The following PARN variants were observed in gnomAD, a reference collection of about 807,000 sequenced individuals.
PARN encodes the protein poly(A)-specific ribonuclease PARN.
Under a neutral mutation model 102.8 loss-of-function variants are expected in PARN, and 71 were observed. The ratio of observed to expected loss-of-function variants is 0.69; its 90% confidence interval spans 0.57 to 0.84. The LOEUF (loss-of-function observed/expected upper bound fraction) is 0.84. PARN is among the 40% of genes least tolerant of loss of function. The probability of loss-of-function intolerance (pLI) is 0.00; values close to 1 mark genes in which losing one functional copy is unlikely to be tolerated. For missense variants in PARN, 782 were observed against 760.9 expected (o/e 1.03, Z -0.33); for synonymous variants, 261 against 252.9 (o/e 1.03, Z -0.30).
At chr16:14,563,476 TTGTG>T (rs56099416) in intron 18 of PARN, among the ~76,000 whole-genome samples, 26,852 of 143,542 alleles carry the variant, frequency 0.19, 2,625 homozygotes, top group African/African-American at 0.21. Context: ...GAAAATTCCT[TTGTG>T]TGTGTGTGTG....
intron 21 of PARN, among the ~76,000 whole-genome samples, chr16:14,521,172 C>T (rs945731032): frequency 1.3e-5 from 2 of 152,226 alleles, no homozygotes; most frequent in African/African-American, 4.8e-5. Flanking sequence ...CAAACCTAAA[C>T]ATTCCCTTTT....
chr16:14,520,095 G>A (rs955912850), intron 21 of PARN, among the ~76,000 whole-genome samples: 2 of 152,122 alleles, frequency 1.3e-5, no homozygotes, highest in African/African-American at 4.8e-5. Flanking sequence ...GAAAAAGGAG[G>A]ACAAAAGAAT....
intron 23 of PARN, among the ~76,000 whole-genome samples, chr16:14,440,785 T>C (rs1428891310): frequency 6.6e-6 from 1 of 152,158 alleles, no homozygotes; most frequent in Non-Finnish European, 1.5e-5. Flanking sequence ...TCCAGGTATA[T>C]GACATTCTGG....
intron 1 of PARN, 43 bp from the exon 2 acceptor site, chr16:14,629,717 T>C: frequency 6.9e-7 from 1 of 1,440,852 alleles, no homozygotes; most frequent in Non-Finnish European, 9.8e-7. Flanking sequence ...GTGGCCTGAA[T>C]TCCTGCTAAG....
At chr16:14,488,072 T>A (rs1963821703) in intron 21 of PARN, among the ~76,000 whole-genome samples, 1 of 152,152 alleles carries the variant, frequency 6.6e-6, no homozygotes, top group Non-Finnish European at 1.5e-5. Context: ...TGAGATAAAC[T>A]GACCAATGGT....
chr16:14,494,246 T>C (rs1360392712), intron 21 of PARN, among the ~76,000 whole-genome samples: 1 of 152,226 alleles, frequency 6.6e-6, no homozygotes, highest in Non-Finnish European at 1.5e-5. Context: ...TTTATTCATC[T>C]ATCCATTCAT....
At chr16:14,453,169 G>C (rs545720124) in intron 22 of PARN, among the ~76,000 whole-genome samples, 1 of 152,218 alleles carries the variant, frequency 6.6e-6, no homozygotes, top group Non-Finnish European at 1.5e-5. Context: ...TAAATCCACT[G>C]TAAGAAGTGG....
chr16:14,467,308 G>A (rs919765125), intron 22 of PARN, among the ~76,000 whole-genome samples: 1 of 152,164 alleles, frequency 6.6e-6, no homozygotes, highest in Admixed American at 6.5e-5. Context: ...CATGGAGAAT[G>A]TCATTTCAGC....
At chr16:14,443,574 G>C (rs1224033586) in intron 23 of PARN, among the ~76,000 whole-genome samples, 1 of 152,104 alleles carries the variant, frequency 6.6e-6, no homozygotes, top group Non-Finnish European at 1.5e-5. Context: ...CTTGACCTCA[G>C]GTGATCTGCC....
intron 19 of PARN, among the ~76,000 whole-genome samples, chr16:14,554,613 A>G (rs1225903511): frequency 6.6e-6 from 1 of 151,096 alleles, no homozygotes; most frequent in Non-Finnish European, 1.5e-5. Context: ...TTATTTTTTA[A>G]TTTTATTTTT....
intron 12 of PARN, among the ~76,000 whole-genome samples, chr16:14,596,439 TA>T (rs1398424805): frequency 6.6e-6 from 1 of 151,624 alleles, no homozygotes; most frequent in African/African-American, 2.4e-5. Flanking sequence ...AACCATTAAA[TA>T]AACAAGGGAA....
At chr16:14,508,050 T>C (rs1343252889) in intron 21 of PARN, among the ~76,000 whole-genome samples, 1 of 152,240 alleles carries the variant, frequency 6.6e-6, no homozygotes, top group Non-Finnish European at 1.5e-5. Context: ...TCATAATTAT[T>C]TCTGGGTGAT....
chr16:14,442,494 T>A (rs1960986928), intron 23 of PARN, among the ~76,000 whole-genome samples: 1 of 152,144 alleles, frequency 6.6e-6, no homozygotes, highest in South Asian at 2.1e-4. Context: ...GAAAATAGGA[T>A]TGAAACAACC....
At chr16:14,487,080 C>T (rs1049597697) in intron 21 of PARN, among the ~76,000 whole-genome samples, 44 of 152,352 alleles carry the variant, frequency 2.9e-4, no homozygotes, top group African/African-American at 9.4e-4. Context: ...CCGGGGCATC[C>T]GGTGGAAGTC....
At chr16:14,455,376 T>C (rs1485325500) in intron 22 of PARN, among the ~76,000 whole-genome samples, 4 of 152,224 alleles carry the variant, frequency 2.6e-5, no homozygotes, top group Non-Finnish European at 5.9e-5. Context: ...AAATTTTATA[T>C]CAGCTGATTT....
intron 21 of PARN, among the ~76,000 whole-genome samples, chr16:14,489,977 T>C (rs1345730321): frequency 6.6e-6 from 1 of 152,222 alleles, no homozygotes; most frequent in Non-Finnish European, 1.5e-5. Flanking sequence ...AAGACCAGCC[T>C]GGGTAACATG....
chr16:14,457,335 T>C (rs1166814873), intron 22 of PARN, among the ~76,000 whole-genome samples: 3 of 152,142 alleles, frequency 2.0e-5, no homozygotes, highest in Admixed American at 1.3e-4. Flanking sequence ...TGCCTTTTTA[T>C]TGTGTTCACA....
At position 14,612,851 on chromosome 16, in the gene PARN, C is replaced by G. The variant is rs1463417314; in HGVS notation, c.389-2042G>C. Among the ~76,000 whole-genome samples the G allele has an allele frequency of 2.0e-5, 3 of 152,100 alleles. No homozygotes were observed. In the East Asian group the frequency reaches 5.9e-4, roughly 30 times the overall value. On this transcript the variant is annotated intron_variant, in intron 6 of 23. Coordinates refer to ENST00000437198, the MANE Select transcript of PARN (RefSeq NM_002582.4). ...ACCTCAGGTCATCTGCCCATCTCAG[C>G]CTCTAAAAGTGCTGAGATTACAGGC...
intron 21 of PARN, among the ~76,000 whole-genome samples, chr16:14,543,508 T>A (rs546067579): frequency 6.6e-6 from 1 of 152,214 alleles, no homozygotes; most frequent in African/African-American, 2.4e-5. Flanking sequence ...GCAGATGTAA[T>A]ACATATGCCC....
Sources: allele counts gnomAD v4.1 joint callset (sites outside exome capture counted in the v4.1 genomes callset), GRCh38; gene constraint gnomAD v4.1.1; transcripts MANE v1.5; gene names NCBI Gene and HGNC (gene_info 2026-07-23, HGNC 2026-07-21).